Variants in NRIP2 observed in about 807,000 individuals in gnomAD.
NRIP2 encodes nuclear receptor-interacting protein 2.
NRIP2 carries 27 observed loss-of-function variants against 34.1 expected under a neutral mutation model. The observed-to-expected ratio is 0.79, with a 90% CI of 0.58 to 1.09. The LOEUF (loss-of-function observed/expected upper bound fraction) is 1.09. NRIP2 is among the 50% of genes least tolerant of loss of function. The pLI, the probability that NRIP2 is intolerant of heterozygous loss-of-function variation, is 0.00. For synonymous variants in NRIP2, 145 were observed against 146.9 expected (o/e 0.99, Z 0.09); for missense variants, 385 against 352.6 (o/e 1.09, Z -0.74).
At position 2,835,029 on chromosome 12, in the gene NRIP2, A is replaced by G. The variant is rs1461315407; in HGVS notation, c.-46T>C. 1 of 1,491,280 alleles carries G rather than the reference A, an allele frequency of 6.7e-7. No individual in the cohort carries two copies. The highest frequency in any genetic ancestry group is 8.9e-7 in the Non-Finnish European group (1 of 1,122,828). 92.4% of individuals were successfully genotyped at this position (1,491,280 alleles called of 1,614,324 possible). A position where few individuals can be genotyped will look rare whatever the true frequency, so the allele number is the denominator to read the frequency against. ...CTCCAATTTCCCGAGATTGCTGTAGAGGGAGTGAGACTCCGGCTGGAAAAA... is the reference window on the plus strand; with the variant it reads ...CTCCAATTTCCCGAGATTGCTGTAGGGGGAGTGAGACTCCGGCTGGAAAAA... On this transcript the variant is annotated 5_prime_UTR_variant, in exon 1 of 6. Transcript: ENST00000337508.
Position 2,834,973 on chromosome 12 carries a change from A to G in NRIP2, c.11T>C (p.Ile4Thr). Residue 4 changes from isoleucine (I) to threonine (T), a missense_variant, in exon 1 of 6, where the codon ATT becomes ACT. Coordinates refer to ENST00000337508, the MANE Select transcript of NRIP2 (RefSeq NM_031474.3). MLF[I>T]FPLSLPWRPS... ...TCTCCACGGGAGGGAAAGAGGAAAA[A>G]TAAATAACATGCAGGAGCAGCCGCG... The G allele has an allele frequency of 6.3e-7, 1 of 1,581,424 alleles. No individual in the cohort carries two copies. The highest frequency in any genetic ancestry group is 2.3e-5 in the East Asian group (1 of 44,440).
In NRIP2 at chr12:2,827,919, G is replaced by A. The variant is rs975401424; in HGVS notation, c.700+7C>T. Reference sequence around the variant, plus strand: ...GCACCAGGGCTGTTGCAGAAGGGGGGACTTACCCACCACCTGTGCCGAGCA... The same window carrying A: ...GCACCAGGGCTGTTGCAGAAGGGGGAACTTACCCACCACCTGTGCCGAGCA... On this transcript the variant is annotated splice_region_variant and intron_variant, in intron 4 of 5. Transcript: ENST00000337508. The surrounding 1 kb of genome is among the most constrained non-coding windows in gnomAD (Gnocchi z 4.0). The A allele has an allele frequency of 6.2e-7, 1 of 1,613,948 alleles. No individual in the cohort carries two copies. The highest frequency in any genetic ancestry group is 1.1e-5 in the South Asian group (1 of 91,068).
At position 2,829,830 on chromosome 12, in the gene NRIP2, C is replaced by A. The variant is rs552481405; in HGVS notation, c.495+878G>T. On this transcript the variant is annotated intron_variant, in intron 2 of 5. Transcript: ENST00000337508. ...CGGTGGCTCACGCCTGTAATCCCAG[C>A]ACTTTGGGAGGCCGAGGTGGATGGA... Among the ~76,000 whole-genome samples the A allele has an allele frequency of 9.3e-5, 13 of 140,058 alleles. No individual in the cohort carries two copies. The East Asian group carries it at 1.1e-3, about 11-fold the overall frequency. 91.9% of individuals were successfully genotyped at this position (140,058 alleles called of 152,430 possible).
intron 1 of NRIP2, among the ~76,000 whole-genome samples, chr12:2,831,802 G>A (rs1376315726): frequency 6.6e-6 from 1 of 151,740 alleles, no homozygotes; most frequent in East Asian, 1.9e-4. Context: ...TTGCTATGCT[G>A]CCCAGACTGG....
At chr12:2,834,265 G>T (rs1230430235) in intron 1 of NRIP2, among the ~76,000 whole-genome samples, 1 of 152,180 alleles carries the variant, frequency 6.6e-6, no homozygotes, top group Non-Finnish European at 1.5e-5. Flanking sequence ...TGGTTCGGGG[G>T]AAGCAGGAAG....
Position 2,825,755 on chromosome 12 carries a change from C to T in NRIP2, c.*1452G>A, listed in dbSNP as rs2097963515. The T allele has an allele frequency of 6.6e-6, 1 of 152,320 alleles. No homozygotes were observed. The highest frequency in any genetic ancestry group is 1.5e-5 in the Non-Finnish European group (1 of 68,176). 9.4% of individuals were successfully genotyped at this position (152,320 alleles called of 1,614,324 possible). On this transcript the variant is annotated 3_prime_UTR_variant, in exon 6 of 6. Transcript: ENST00000337508. ...TCAGGTTAGCTGTACCACTGTCTTT[C>T]TCTGCTCCTTTTTTGTTTGTTTTTG...
rs572870264 is a variant in NRIP2, at chr12:2,828,392, A to C, written c.518T>G (p.Val173Gly). ...GTATTGGGTGCCTGTGTCAACGGCC[A>C]CTCTAAGCAGCTGGTCCTGGCACTA... ...NCKCQDQLLR[V>G]AVDTGTQYNR... The change falls in exon 3 of 6, where the codon GTG becomes GGG. Residue 173 changes from valine (V) to glycine (G), a missense_variant. Val to Gly is a moderately radical substitution (Grantham distance 109). Transcript: ENST00000337508. 2 of 1,614,036 alleles carry C rather than the reference A, an allele frequency of 1.2e-6. No individual in the cohort carries two copies. Among genetic ancestry groups the C allele is most frequent in the Non-Finnish European group, 1.7e-6 (2 of 1,179,988 alleles).
chr12:2,834,571 C>T, intron 1 of NRIP2, 71 bp downstream of exon 1: 5 of 1,515,208 alleles, frequency 3.3e-6, no homozygotes, highest in Non-Finnish European at 4.4e-6. Flanking sequence ...CTGGTCCTGC[C>T]TCCTGCTCAG....
At chr12:2,834,287 A>T in intron 1 of NRIP2, among the ~76,000 whole-genome samples, 1 of 152,200 alleles carries the variant, frequency 6.6e-6, no homozygotes, top group South Asian at 2.1e-4. Context: ...CACAACCCTA[A>T]ACTGGCCAGT....
intron 1 of NRIP2, among the ~76,000 whole-genome samples, chr12:2,834,083 G>T (rs997327337): frequency 6.6e-6 from 1 of 152,214 alleles, no homozygotes; most frequent in African/African-American, 2.4e-5. Context: ...GAGGAGAGGA[G>T]CCTGGAAGGT....
intron 2 of NRIP2, chr12:2,830,492 G>C (rs1036564733): frequency 2.0e-6 from 1 of 499,012 alleles, no homozygotes; most frequent in Middle Eastern, 5.1e-4. Context: ...AGGAAGGGGG[G>C]CAGAGTAATG....
At position 2,827,690 on chromosome 12, in the gene NRIP2, T is replaced by C; in HGVS notation, c.701-13A>G. 6.2e-7 allele frequency: 1 copy of C among 1,613,962 alleles called. No homozygotes were observed. The highest frequency in any genetic ancestry group is 1.1e-5 in the South Asian group (1 of 91,070). ...GGACTCTCAGCATCTATAGGAACAA[T>C]TTGAAAACAGAAGAGGCTGAGGGTT... On this transcript the variant is annotated splice_polypyrimidine_tract_variant and intron_variant, in intron 4 of 5. Transcript: ENST00000337508. The surrounding 1 kb of genome is among the most constrained non-coding windows in gnomAD (Gnocchi z 4.0).
In NRIP2 at chr12:2,827,011, C is replaced by T. The variant is rs779666100; in HGVS notation, c.*196G>A. 72 of 1,405,978 alleles carry T rather than the reference C, an allele frequency of 5.1e-5. No individual in the cohort carries two copies. The highest frequency in any genetic ancestry group is 9.6e-5 in the Admixed American group (3 of 31,316). The allele number at this position is 1,405,978 out of a possible 1,614,324, so 87.1% of individuals were successfully genotyped here. ...GTGGGCCCTCTAGTGAAAACTCGTCCTGGGGAGTAGGACAGCTGCTGAGAA... is the reference window on the plus strand; with the variant it reads ...GTGGGCCCTCTAGTGAAAACTCGTCTTGGGGAGTAGGACAGCTGCTGAGAA... On this transcript the variant is annotated 3_prime_UTR_variant, in exon 6 of 6. Coordinates refer to ENST00000337508, the MANE Select transcript of NRIP2 (RefSeq NM_031474.3). This position sits in a 1 kb window ranked among gnomAD's most constrained non-coding sequence, Gnocchi z 4.0.
Position 2,825,499 on chromosome 12 carries a change from G to A in NRIP2, c.*1708C>T, listed in dbSNP as rs1050674177. The stretch of plus-strand genomic sequence containing the variant: ...AGTGGACCTTGTGGAGCAAGGCAGT[G>A]AGGGCGAGGAAAGCTTTTAGGATTT... On this transcript the variant is annotated 3_prime_UTR_variant, in exon 6 of 6. Transcript: ENST00000337508. 4 of 152,566 alleles carry A rather than the reference G, an allele frequency of 2.6e-5. No individual in the cohort carries two copies. Among genetic ancestry groups the A allele is most frequent in the African/African-American group, 4.8e-5 (2 of 41,480 alleles). The allele number at this position is 152,566 out of a possible 1,614,324, so 9.5% of individuals were successfully genotyped here.
intron 2 of NRIP2, among the ~76,000 whole-genome samples, chr12:2,828,805 A>G (rs2097984324): frequency 6.6e-6 from 1 of 152,182 alleles, no homozygotes; most frequent in South Asian, 2.1e-4. Flanking sequence ...TCACGCCATT[A>G]CACTCCAGCC....
chr12:2,830,183 GGAGGTAACATCT>G (rs1311250377), intron 2 of NRIP2: 1 of 152,222 alleles, frequency 6.6e-6, no homozygotes, highest in Non-Finnish European at 1.5e-5. Flanking sequence ...GTTTCAAGGA[GGAGGTAACATCT>G]GAGCTGGGCT....
intron 1 of NRIP2, among the ~76,000 whole-genome samples, chr12:2,831,101 G>T (rs2098000328): frequency 6.6e-6 from 1 of 151,944 alleles, no homozygotes; most frequent in South Asian, 2.1e-4. Context: ...AGAGGAGAAT[G>T]GTCCATTCTC....
At chr12:2,828,509 T>A in intron 2 of NRIP2, 95 bp from the exon 3 acceptor site, 1 of 929,792 alleles carries the variant, frequency 1.1e-6, no homozygotes, top group Non-Finnish European at 1.7e-6. Context: ...GATTCCCTCC[T>A]AGAAATGAGT....
chr12:2,830,680 G>C (rs2097996944), intron 2 of NRIP2, 28 bp downstream of exon 2: 1 of 1,591,342 alleles, frequency 6.3e-7, no homozygotes, highest in Admixed American at 1.7e-5. Context: ...GGTTGTTAAT[G>C]AAAGTGTGTC....
Sources: allele counts gnomAD v4.1 joint callset (sites outside exome capture counted in the v4.1 genomes callset), GRCh38; gene constraint gnomAD v4.1.1; non-coding constraint Gnocchi (gnomAD v3.1); transcripts MANE v1.5; gene names NCBI Gene and HGNC (gene_info 2026-07-23, HGNC 2026-07-21).